The following KCNIP4 variants were observed in gnomAD, a reference collection of about 807,000 sequenced individuals.
The protein encoded by KCNIP4 is potassium voltage-gated channel interacting protein 4.
A neutral mutation model predicts 34.0 loss-of-function variants in KCNIP4; 12 were observed. The observed-to-expected ratio is 0.35, with a 90% CI of 0.23 to 0.57. The LOEUF is 0.57. Ranked by LOEUF, KCNIP4 falls within the 20% of genes least tolerant of loss-of-function variation. The probability of loss-of-function intolerance (pLI) is 0.83; values close to 1 mark genes in which losing one functional copy is unlikely to be tolerated. For missense variants in KCNIP4, 238 were observed against 311.7 expected (o/e 0.76, Z 1.78); for synonymous variants, 124 against 102.2 (o/e 1.21, Z -1.29).
chr4:21,350,566 T>C (rs1166701380), intron 1 of KCNIP4, among the ~76,000 whole-genome samples: 2 of 152,224 alleles, frequency 1.3e-5, no homozygotes, highest in African/African-American at 2.4e-5. Context: ...GCTGTAGAAC[T>C]GATTATTATG....
At chr4:20,815,918 C>A (rs1391414517) in intron 3 of KCNIP4, among the ~76,000 whole-genome samples, 3 of 152,126 alleles carry the variant, frequency 2.0e-5, no homozygotes, top group Non-Finnish European at 2.9e-5. Flanking sequence ...ACTTCTCTGA[C>A]ACATATGGAT....
intron 1 of KCNIP4, among the ~76,000 whole-genome samples, chr4:21,784,143 T>A: frequency 8.8e-6 from 1 of 113,168 alleles, no homozygotes; most frequent in Non-Finnish European, 1.8e-5. Flanking sequence ...CGGTGGGGGG[T>A]GGGGTCGAAG....
intron 1 of KCNIP4, among the ~76,000 whole-genome samples, chr4:21,333,012 T>C (rs1057021378): frequency 6.6e-6 from 1 of 152,102 alleles, no homozygotes; most frequent in Non-Finnish European, 1.5e-5. Context: ...CAAGCTGTTC[T>C]TTCTTCCTGA....
chr4:20,928,930 G>A (rs1000940449), intron 1 of KCNIP4, among the ~76,000 whole-genome samples: 4 of 151,888 alleles, frequency 2.6e-5, no homozygotes, highest in Non-Finnish European at 4.4e-5. Context: ...AGCCCAGGAC[G>A]AGATGGCTTC....
chr4:21,085,619 C>A (rs1338318936), intron 1 of KCNIP4, among the ~76,000 whole-genome samples: 1 of 152,166 alleles, frequency 6.6e-6, no homozygotes, highest in Non-Finnish European at 1.5e-5. Flanking sequence ...GGCTGCTGCT[C>A]TATCTGATTA....
chr4:21,792,181 A>G (rs570510979), intron 1 of KCNIP4, among the ~76,000 whole-genome samples: 13 of 145,166 alleles, frequency 9.0e-5, no homozygotes, highest in South Asian at 2.1e-4. Flanking sequence ...TCACAAGCAC[A>G]TAAACCGTAT....
intron 1 of KCNIP4, among the ~76,000 whole-genome samples, chr4:21,067,984 T>C (rs1206085759): frequency 1.3e-5 from 2 of 152,202 alleles, no homozygotes; most frequent in Non-Finnish European, 2.9e-5. Context: ...TATTAAAGTA[T>C]AAATTATTTG....
intron 1 of KCNIP4, among the ~76,000 whole-genome samples, chr4:21,281,519 T>C (rs1013567957): frequency 9.2e-5 from 14 of 152,184 alleles, no homozygotes; most frequent in Non-Finnish European, 1.5e-4. Flanking sequence ...ACTGTGAAGA[T>C]GGTAGAGAAA....
rs1560655293 is a variant in KCNIP4, at chr4:21,714,785, G to GATTT, written c.61+233785_61+233786insAAAT. Among the ~76,000 whole-genome samples the GATTT allele has an allele frequency of 4.6e-5, 2 of 43,388 alleles. 1 individual carries two copies. Among genetic ancestry groups the GATTT allele is most frequent in the Non-Finnish European group, 7.1e-5 (2 of 28,002 alleles). The allele number at this position is 43,388 out of a possible 152,430, so 28.5% of individuals were successfully genotyped here. On this transcript the variant is annotated intron_variant, in intron 1 of 8. Transcript: ENST00000382152. ...AAGAATGTGTTAGTAATTTCCCTTT[G>GATTT]ATTATTTTATTTTATTTTATTTTAT...
intron 1 of KCNIP4, among the ~76,000 whole-genome samples, chr4:21,611,764 G>A (rs1370378781): frequency 6.6e-6 from 1 of 151,060 alleles, no homozygotes; most frequent in Non-Finnish European, 1.5e-5. Context: ...TTGGAGGGGT[G>A]GGGGATAACA....
At chr4:20,942,295 C>T (rs1049489464) in intron 1 of KCNIP4, among the ~76,000 whole-genome samples, 8 of 152,144 alleles carry the variant, frequency 5.3e-5, no homozygotes, top group South Asian at 2.1e-4. Context: ...GCAGCCTGAA[C>T]CATCTCCATC....
intron 1 of KCNIP4, among the ~76,000 whole-genome samples, chr4:21,596,662 G>T (rs952882373): frequency 2.0e-5 from 3 of 152,102 alleles, no homozygotes; most frequent in African/African-American, 7.2e-5. Flanking sequence ...AGAAGCTTTT[G>T]TTATTGATGC....
At chr4:21,342,659 GA>G in intron 1 of KCNIP4, among the ~76,000 whole-genome samples, 1 of 151,842 alleles carries the variant, frequency 6.6e-6, no homozygotes, top group African/African-American at 2.4e-5. Context: ...ATCATTCAAG[GA>G]AAAAATGTAT....
intron 1 of KCNIP4, among the ~76,000 whole-genome samples, chr4:21,271,677 A>G (rs1399703418): frequency 6.6e-6 from 1 of 152,188 alleles, no homozygotes. Context: ...CTTTGGGGCT[A>G]CACTTCCAGA....
At chr4:21,396,706 C>T (rs1723043546) in intron 1 of KCNIP4, among the ~76,000 whole-genome samples, 1 of 151,994 alleles carries the variant, frequency 6.6e-6, no homozygotes, top group South Asian at 2.1e-4. Flanking sequence ...TACAAGAAAA[C>T]AACAGCAAGG....
At chr4:21,857,115 C>T (rs1009314528) in intron 1 of KCNIP4, among the ~76,000 whole-genome samples, 1 of 152,222 alleles carries the variant, frequency 6.6e-6, no homozygotes, top group Non-Finnish European at 1.5e-5. Context: ...GGGGGCAAGG[C>T]TACCAGTTCT....
At chr4:21,191,482 G>A (rs1755643571) in intron 1 of KCNIP4, among the ~76,000 whole-genome samples, 1 of 152,176 alleles carries the variant, frequency 6.6e-6, no homozygotes. Context: ...GGAGGGTGCT[G>A]TATAATCATC....
intron 1 of KCNIP4, among the ~76,000 whole-genome samples, chr4:20,929,251 A>G (rs1008057376): frequency 6.6e-6 from 1 of 152,092 alleles, no homozygotes; most frequent in Non-Finnish European, 1.5e-5. Context: ...AATGTGACAC[A>G]TCACATTAAC....
intron 1 of KCNIP4, among the ~76,000 whole-genome samples, chr4:21,309,901 C>T (rs181065449): frequency 6.6e-6 from 1 of 152,184 alleles, no homozygotes; most frequent in Admixed American, 6.5e-5. Flanking sequence ...GTAGGGGAAT[C>T]GAACTAAGAT....
Sources: allele counts gnomAD v4.1 joint callset (sites outside exome capture counted in the v4.1 genomes callset), GRCh38; gene constraint gnomAD v4.1.1; transcripts MANE v1.5; gene names NCBI Gene and HGNC (gene_info 2026-07-23, HGNC 2026-07-21).